Variants in PPP3CC observed in about 807,000 individuals in gnomAD.
The protein encoded by PPP3CC is serine/threonine-protein phosphatase 2B catalytic subunit gamma isoform.
PPP3CC carries 35 observed loss-of-function variants against 60.3 expected under a neutral mutation model. That is an observed-to-expected ratio of 0.58 (90% CI 0.44 to 0.77). The LOEUF (loss-of-function observed/expected upper bound fraction) is 0.77, where lower values mean the gene tolerates loss of function less well. PPP3CC is among the 30% of genes least tolerant of loss of function. The pLI is 0.00. For missense variants in PPP3CC, 570 were observed against 628.9 expected (o/e 0.91, Z 1.00); for synonymous variants, 206 against 224.3 (o/e 0.92, Z 0.73).
At chr8:22,474,912 TAC>T in intron 1 of PPP3CC, 40 bp from the exon 2 acceptor site, 1 of 1,229,190 alleles carries the variant, frequency 8.1e-7, no homozygotes, top group Non-Finnish European at 1.1e-6. Context: ...TTGTTCTCTA[TAC>T]ATTTAAATAT....
At chr8:22,524,765 C>A (rs1839496017) in intron 8 of PPP3CC, among the ~76,000 whole-genome samples, 1 of 152,172 alleles carries the variant, frequency 6.6e-6, no homozygotes, top group East Asian at 1.9e-4. Flanking sequence ...CCTAAGTCAG[C>A]AGGCACTATA....
At chr8:22,521,981 T>C (rs1200310704) in intron 6 of PPP3CC, among the ~76,000 whole-genome samples, 1 of 150,744 alleles carries the variant, frequency 6.6e-6, no homozygotes, top group Non-Finnish European at 1.5e-5. Flanking sequence ...AAAACAAACC[T>C]ATATATATAC....
intron 1 of PPP3CC, among the ~76,000 whole-genome samples, chr8:22,441,679 C>G (rs1322476707): frequency 6.6e-6 from 1 of 152,182 alleles, no homozygotes; most frequent in African/African-American, 2.4e-5. Context: ...CAAGTTCCCT[C>G]CCGAAGGGTT....
chr8:22,531,119 T>G (rs1265198091), intron 10 of PPP3CC, among the ~76,000 whole-genome samples: 1 of 152,170 alleles, frequency 6.6e-6, no homozygotes, highest in African/African-American at 2.4e-5. Flanking sequence ...ACAAAATAAA[T>G]TTGCAATTTA....
At chr8:22,478,788 A>G (rs1425439184) in intron 3 of PPP3CC, among the ~76,000 whole-genome samples, 1 of 152,222 alleles carries the variant, frequency 6.6e-6, no homozygotes, top group East Asian at 1.9e-4. Flanking sequence ...GTGCTTCTTG[A>G]ATTAACAGCG....
At chr8:22,441,636 G>A (rs1480264126) in intron 1 of PPP3CC, among the ~76,000 whole-genome samples, 178 bp downstream of exon 1, 1 of 152,138 alleles carries the variant, frequency 6.6e-6, no homozygotes, top group Non-Finnish European at 1.5e-5. Context: ...GGCGTTTTCT[G>A]CTGCACCTGG....
chr8:22,474,898 CTGTT>C (rs1837839725), intron 1 of PPP3CC, 52 bp from the exon 2 acceptor site: 6 of 1,138,390 alleles, frequency 5.3e-6, no homozygotes, highest in Admixed American at 6.3e-5. Context: ...GAATTGTGTT[CTGTT>C]TGTTCTCTAT....
chr8:22,521,462 G>T (rs1271021196), intron 6 of PPP3CC, among the ~76,000 whole-genome samples: 1 of 152,180 alleles, frequency 6.6e-6, no homozygotes, highest in African/African-American at 2.4e-5. Flanking sequence ...AAAGGTCAGT[G>T]GGCCTGCCTT....
At chr8:22,506,396 C>T (rs1838921540) in intron 4 of PPP3CC, among the ~76,000 whole-genome samples, 1 of 152,166 alleles carries the variant, frequency 6.6e-6, no homozygotes. Flanking sequence ...TTCTTAACTC[C>T]ACTCTTCATC....
chr8:22,539,972 C>G (rs1209074637), intron 13 of PPP3CC, among the ~76,000 whole-genome samples: 1 of 152,180 alleles, frequency 6.6e-6, no homozygotes, highest in African/African-American at 2.4e-5. Context: ...TCTATGAAAA[C>G]CATTGGAACT....
chr8:22,471,732 G>T (rs1163622519), intron 1 of PPP3CC, among the ~76,000 whole-genome samples: 3 of 152,120 alleles, frequency 2.0e-5, no homozygotes, highest in Non-Finnish European at 4.4e-5. Context: ...AGTCGGAGGT[G>T]AATGATGAGT....
intron 3 of PPP3CC, among the ~76,000 whole-genome samples, chr8:22,479,743 CAAAA>C (rs76119074): frequency 1.8e-5 from 1 of 54,224 alleles, no homozygotes; most frequent in Non-Finnish European, 3.7e-5. Flanking sequence ...GACTCTGTCT[CAAAA>C]AAAAAAAAAA....
chr8:22,473,207 A>G (rs925720374), intron 1 of PPP3CC, among the ~76,000 whole-genome samples: 1 of 152,194 alleles, frequency 6.6e-6, no homozygotes, highest in Non-Finnish European at 1.5e-5. Flanking sequence ...AAGTGGAAAC[A>G]TTGGACATAT....
intron 4 of PPP3CC, among the ~76,000 whole-genome samples, chr8:22,506,603 A>C (rs1420817222): frequency 3.9e-5 from 6 of 152,294 alleles, no homozygotes. Flanking sequence ...ACCTGCAGAG[A>C]GAGGGCAGGA....
intron 1 of PPP3CC, among the ~76,000 whole-genome samples, chr8:22,469,754 C>T (rs546126014): frequency 1.3e-5 from 2 of 152,054 alleles, no homozygotes; most frequent in East Asian, 1.9e-4. Flanking sequence ...CCCAGGTTGT[C>T]GAGTATCCTG....
At chr8:22,506,675 C>G (rs2117078974) in intron 4 of PPP3CC, among the ~76,000 whole-genome samples, 1 of 152,238 alleles carries the variant, frequency 6.6e-6, no homozygotes, top group African/African-American at 2.4e-5. Context: ...GGCACAGTGG[C>G]TCACGCCTGT....
chr8:22,484,287 A>G (rs1433056717), intron 3 of PPP3CC, among the ~76,000 whole-genome samples: 2 of 152,132 alleles, frequency 1.3e-5, no homozygotes, highest in African/African-American at 4.8e-5. Context: ...TTTTTTAGGG[A>G]TTTCTGGCTG....
intron 1 of PPP3CC, among the ~76,000 whole-genome samples, chr8:22,463,949 G>A (rs1469166336): frequency 6.6e-6 from 1 of 151,810 alleles, no homozygotes; most frequent in African/African-American, 2.4e-5. Flanking sequence ...ACCAAACCCC[G>A]CTAATTTTTT....
intron 4 of PPP3CC, chr8:22,510,818 C>G (rs1839064404): frequency 2.9e-6 from 1 of 343,724 alleles, no homozygotes; most frequent in Non-Finnish European, 5.3e-6. Flanking sequence ...GCCATGTTGC[C>G]TAATAACACA....
Sources: gnomAD v4.1 joint callset for allele counts (sites outside exome capture counted in the v4.1 genomes callset) on GRCh38, gnomAD v4.1.1 for gene constraint, MANE v1.5 for transcripts, NCBI Gene and HGNC (gene_info 2026-07-23, HGNC 2026-07-21) for gene names.